The following BACH2 variants were observed in gnomAD, a reference collection of about 807,000 sequenced individuals.
The protein encoded by BACH2 is BACH transcriptional regulator 2, also known as transcription regulator protein BACH2.
Under a neutral mutation model 61.8 loss-of-function variants are expected in BACH2, and 5 were observed. That is an observed-to-expected ratio of 0.08 (90% CI 0.04 to 0.17). The LOEUF (loss-of-function observed/expected upper bound fraction) is 0.17. BACH2 is among the 10% of genes least tolerant of loss of function. The pLI is 1.00. For synonymous variants in BACH2, 446 were observed against 440.1 expected, an observed-to-expected ratio of 1.01 and a Z score of -0.17; for missense variants, 824 against 1,091.1, an observed-to-expected ratio of 0.76 and a Z score of 3.45.
At chr6:90,111,001 T>C (rs949809129) in intron 4 of BACH2, among the ~76,000 whole-genome samples, 1 of 152,228 alleles carries the variant, frequency 6.6e-6, no homozygotes, top group Non-Finnish European at 1.5e-5. Flanking sequence ...TCTGTTCTAT[T>C]GTAAGCATGT....
At chr6:89,934,645 C>A (rs190515494) in intron 8 of BACH2, among the ~76,000 whole-genome samples, 2 of 151,344 alleles carry the variant, frequency 1.3e-5, no homozygotes, top group South Asian at 2.1e-4. Flanking sequence ...GGCGACAGAG[C>A]GAGACTTTGT....
chr6:90,118,539 A>G (rs140285070), intron 4 of BACH2, among the ~76,000 whole-genome samples: 46 of 152,304 alleles, frequency 3.0e-4, no homozygotes, highest in Middle Eastern at 3.4e-3. Context: ...TTCTATCTAT[A>G]TGTACCTCTT....
chr6:90,113,246 CA>C lies in BACH2; in HGVS notation c.-161-24138del, dbSNP rs1390762086. On this transcript the variant is annotated intron_variant, in intron 4 of 8. Transcript: ENST00000257749. ...TCAGGACCTAAACTTAGCACTGGAC[CA>C]AACAGATCTGATAAACCTTTACAAA... 9.9e-5 allele frequency among the ~76,000 whole-genome samples: 15 copies of C among 152,180 alleles called. No homozygotes were observed. The South Asian group carries it at 2.7e-3, about 27-fold the overall frequency.
At position 89,932,776 on chromosome 6, in the gene BACH2, G is replaced by T. The variant is rs193123306; in HGVS notation, c.2158C>A (p.Pro720Thr). Residue 720 changes from proline to threonine, a missense_variant, in exon 9 of 9, where the codon CCC becomes ACC. Transcript: ENST00000257749. ...CGATGCAGGGCCTGGATCTGCTCGG[G>T]GCTCTGGATGTCTCGGCAAACTTCC... The part of the protein sequence containing the change: ...SQEVCRDIQS[P>T]EQIQALHRYC... The T allele has an allele frequency of 1.1e-4, 172 of 1,613,710 alleles. No individual in the cohort carries two copies. The Admixed American group carries it at 2.8e-3, about 27-fold the overall frequency.
intron 5 of BACH2, among the ~76,000 whole-genome samples, chr6:90,044,138 C>T (rs749295809): frequency 8.6e-5 from 13 of 152,046 alleles, no homozygotes; most frequent in Admixed American, 2.0e-4. Flanking sequence ...GGGCAATATA[C>T]ACACAAACGA....
intron 2 of BACH2, among the ~76,000 whole-genome samples, chr6:90,263,151 C>A (rs945149024): frequency 1.2e-4 from 19 of 152,082 alleles, no homozygotes; most frequent in African/African-American, 4.3e-4. Flanking sequence ...GCATCTCACC[C>A]CTGATCAGTG....
chr6:89,940,772 A>C (rs191275286), intron 7 of BACH2, among the ~76,000 whole-genome samples: 2 of 152,296 alleles, frequency 1.3e-5, no homozygotes, highest in African/African-American at 4.8e-5. Context: ...AATGAGTTTG[A>C]ATACTGTATG....
At chr6:90,079,779 T>G (rs1582323868) in intron 5 of BACH2, among the ~76,000 whole-genome samples, 1 of 152,118 alleles carries the variant, frequency 6.6e-6, no homozygotes, top group Non-Finnish European at 1.5e-5. Flanking sequence ...ACCGCTACTT[T>G]TTCTGGGCCA....
intron 4 of BACH2, among the ~76,000 whole-genome samples, chr6:90,125,637 C>T (rs1393154463): frequency 6.6e-6 from 1 of 152,212 alleles, no homozygotes; most frequent in African/African-American, 2.4e-5. Context: ...GGGGACGGGT[C>T]AGATGCTGTG....
chr6:90,132,961 C>T (rs1388458869), intron 4 of BACH2, among the ~76,000 whole-genome samples: 1 of 152,212 alleles, frequency 6.6e-6, no homozygotes, highest in Non-Finnish European at 1.5e-5. Context: ...TCCAGGAAGA[C>T]AGCTCTGGTC....
chr6:90,014,440 G>GTGTGTGTGTGTGTATATATATATA (rs1330299169), intron 5 of BACH2, among the ~76,000 whole-genome samples: 2 of 48,036 alleles, frequency 4.2e-5, no homozygotes, highest in Non-Finnish European at 6.9e-5. Context: ...GTGTGTGTGT[G>GTGTGTGTGTGTGTATATATATATA]TATATATATA....
chr6:90,039,797 A>G (rs1437814662), intron 5 of BACH2, among the ~76,000 whole-genome samples: 1 of 152,206 alleles, frequency 6.6e-6, no homozygotes, highest in African/African-American at 2.4e-5. Context: ...GTTTAATTAT[A>G]GTTTTAATTT....
intron 3 of BACH2, among the ~76,000 whole-genome samples, chr6:90,210,309 AACAAC>A (rs1382403016): frequency 1.8e-5 from 2 of 110,324 alleles, no homozygotes; most frequent in African/African-American, 7.7e-5. Flanking sequence ...CACACCCCAA[AACAAC>A]ACACACACAC....
At chr6:90,245,157 C>A (rs146309351) in intron 3 of BACH2, among the ~76,000 whole-genome samples, 153 of 151,846 alleles carry the variant, frequency 1.0e-3, no homozygotes, top group African/African-American at 3.4e-3. Flanking sequence ...TGAGATCATG[C>A]CACTGCAATC....
chr6:90,173,362 T>C (rs113923856), intron 4 of BACH2, among the ~76,000 whole-genome samples: 11 of 152,160 alleles, frequency 7.2e-5, no homozygotes, highest in Admixed American at 6.5e-4. Flanking sequence ...TGAATGTTCA[T>C]AGCAACTTTA....
intron 6 of BACH2, chr6:89,952,233 G>C: frequency 5.1e-6 from 1 of 198,006 alleles, no homozygotes; most frequent in East Asian, 1.3e-4. Context: ...TTCTACACGA[G>C]GGGGGAGTGT....
chr6:90,122,899 G>C (rs1331030424), intron 4 of BACH2, among the ~76,000 whole-genome samples: 1 of 152,144 alleles, frequency 6.6e-6, no homozygotes, highest in Non-Finnish European at 1.5e-5. Flanking sequence ...ACATAAAAAA[G>C]AGACATAAAA....
At chr6:90,090,333 C>T (rs947632407) in intron 4 of BACH2, among the ~76,000 whole-genome samples, 10 of 152,004 alleles carry the variant, frequency 6.6e-5, no homozygotes, top group East Asian at 1.9e-4. Context: ...AATTTCTGAA[C>T]ATTTTCTTAC....
chr6:89,978,658 G>C (rs1293309408), intron 6 of BACH2, among the ~76,000 whole-genome samples: 6 of 85,032 alleles, frequency 7.1e-5, no homozygotes, highest in Non-Finnish European at 1.7e-4. Flanking sequence ...AAAAAAAAAA[G>C]CAAAATAAAC....
Sources: gnomAD v4.1 joint callset for allele counts (sites outside exome capture counted in the v4.1 genomes callset) on GRCh38, gnomAD v4.1.1 for gene constraint, MANE v1.5 for transcripts, NCBI Gene and HGNC (gene_info 2026-07-23, HGNC 2026-07-21) for gene names.